Variants in PIGH observed in about 807,000 individuals in gnomAD.
PIGH encodes the protein phosphatidylinositol glycan anchor biosynthesis class H.
PIGH carries 11 observed loss-of-function variants against 20.1 expected under a neutral mutation model. The observed-to-expected ratio is 0.55, with a 90% CI of 0.34 to 0.91. The LOEUF (loss-of-function observed/expected upper bound fraction) is 0.91, where lower values mean the gene tolerates loss of function less well. Among genes scored for constraint, PIGH ranks in the 40% least tolerant of loss-of-function variants. The pLI is 0.02. For missense variants in PIGH, 189 were observed against 233.6 expected, an observed-to-expected ratio of 0.81 and a Z score of 1.24; for synonymous variants, 72 against 93.1, an observed-to-expected ratio of 0.77 and a Z score of 1.31.
At chr14:67,590,226 AGTGGT>A in intron 3 of PIGH, 54 bp from the exon 4 acceptor site, 1 of 1,378,742 alleles carries the variant, frequency 7.3e-7, no homozygotes, top group Non-Finnish European at 9.7e-7. Flanking sequence ...AAGGGAGTGC[AGTGGT>A]GCTGCATCCA....
chr14:67,593,592 A>C (rs1026467515), intron 2 of PIGH, 151 bp downstream of exon 2: 5 of 592,890 alleles, frequency 8.4e-6, no homozygotes, highest in African/African-American at 1.9e-5. Context: ...TTCCCTATCC[A>C]TGAAAACCTG....
intron 1 of PIGH, among the ~76,000 whole-genome samples, chr14:67,598,558 G>A (rs2140647451): frequency 6.6e-6 from 1 of 152,174 alleles, no homozygotes; most frequent in Admixed American, 6.5e-5. Flanking sequence ...CAGTCAGTGG[G>A]CATTTAATAA....
intron 1 of PIGH, among the ~76,000 whole-genome samples, chr14:67,597,121 A>C (rs775977903): frequency 1.3e-5 from 2 of 152,252 alleles, no homozygotes; most frequent in Non-Finnish European, 2.9e-5. Context: ...TGTAGAAAGA[A>C]AGAAAAGAAT....
chr14:67,592,452 A>C, intron 3 of PIGH, 183 bp downstream of exon 3: 1 of 560,658 alleles, frequency 1.8e-6, no homozygotes, highest in Non-Finnish European at 3.2e-6. Flanking sequence ...ATAAAATAAA[A>C]TGTGCATGAA....
intron 3 of PIGH, among the ~76,000 whole-genome samples, chr14:67,590,821 A>G (rs2036348761): frequency 1.3e-5 from 2 of 152,256 alleles, no homozygotes; most frequent in Non-Finnish European, 2.9e-5. Context: ...ATCAAATGAT[A>G]GCTTTTTAAT....
Position 67,592,738 on chromosome 14 carries a change from A to C in PIGH, c.391-20T>G. Reference sequence around the variant, plus strand: ...CTTCTGCTGTAAGAAAATAAATCAAATAGCAAAGTCTAAGTGAAACTCATT... The same window carrying C: ...CTTCTGCTGTAAGAAAATAAATCAACTAGCAAAGTCTAAGTGAAACTCATT... On this transcript the variant is annotated intron_variant, in intron 2 of 3. Coordinates refer to ENST00000216452, the MANE Select transcript of PIGH (RefSeq NM_004569.5). 7.1e-7 allele frequency: 1 copy of C among 1,416,358 alleles called. No homozygotes were observed. Among genetic ancestry groups the C allele is most frequent in the Non-Finnish European group, 9.9e-7 (1 of 1,005,602 alleles). 87.7% of individuals were successfully genotyped at this position (1,416,358 alleles called of 1,614,324 possible).
At chr14:67,598,232 T>G (rs28558546) in intron 1 of PIGH, among the ~76,000 whole-genome samples, 1 of 152,030 alleles carries the variant, frequency 6.6e-6, no homozygotes, top group South Asian at 2.1e-4. Flanking sequence ...TTAGAAAGTG[T>G]TGCAGTAGAG....
chr14:67,593,154 A>G (rs972237566), intron 2 of PIGH: 1 of 162,400 alleles, frequency 6.2e-6, no homozygotes. Context: ...AACACTTGAT[A>G]GCTTTTGAAG....
rs1335068791 is a variant in PIGH at position 67,592,647 on chromosome 14, T to C, written c.462A>G (p.Val154=). Residue 154 remains valine (V), a synonymous_variant, in exon 3 of 4, where the codon GTA becomes GTG. Transcript: ENST00000216452. ...PVEPHGISQV[V]PVFQSAKPRL... ...ATTCTATGCTCACCTGGAAGACGGG[T>C]ACTACTTGGGATATCCCATGTGGTT... 6.3e-7 allele frequency: 1 copy of C among 1,592,908 alleles called. No homozygotes were observed. The highest frequency in any genetic ancestry group is 8.6e-7 in the Non-Finnish European group (1 of 1,162,220).
chr14:67,600,161 G>C lies in PIGH; in HGVS notation c.43C>G (p.Leu15Val), dbSNP rs1212576438. ...GAGTAGTAGCGGCGCTGCAGCGCCA[G>C]GCGGCCGCCGCAGATATCCGAAAAG... ...RSFSDICGGR[L>V]ALQRRYYSPS... Residue 15 changes from leucine to valine, a missense_variant, in exon 1 of 4, where the codon CTG becomes GTG. Physicochemically the swap from Leu to Val is conservative, Grantham distance 32 (BLOSUM62 1). Transcript: ENST00000216452. The C allele has an allele frequency of 1.3e-6, 2 of 1,589,446 alleles. No individual in the cohort carries two copies. Among genetic ancestry groups the C allele is most frequent in the African/African-American group, 2.7e-5 (2 of 74,270 alleles).
At chr14:67,590,339 G>A (rs1415049261) in intron 3 of PIGH, among the ~76,000 whole-genome samples, 167 bp from the exon 4 acceptor site, 4 of 146,042 alleles carry the variant, frequency 2.7e-5, no homozygotes, top group Non-Finnish European at 5.9e-5. Flanking sequence ...TGCAACCTCC[G>A]CCTCCCAGGT....
chr14:67,589,796 A>G lies in PIGH; in HGVS notation c.*284T>C. ...ACCTGAACATGCTTAGCAATTTCCG[A>G]AAGTGTTCTTTGCTGACATTACTTT... On this transcript the variant is annotated 3_prime_UTR_variant, in exon 4 of 4. Transcript: ENST00000216452. 9.0e-7 allele frequency: 1 copy of G among 1,116,214 alleles called. No homozygotes were observed. Among genetic ancestry groups the G allele is most frequent in the Non-Finnish European group, 1.1e-6 (1 of 915,206 alleles). The allele number at this position is 1,116,214 out of a possible 1,614,324, so 69.1% of individuals were successfully genotyped here. A position where few individuals can be genotyped will look rare whatever the true frequency, so the allele number is the denominator to read the frequency against.
intron 1 of PIGH, among the ~76,000 whole-genome samples, chr14:67,599,060 G>A (rs1304472202): frequency 6.6e-6 from 1 of 152,160 alleles, no homozygotes; most frequent in Non-Finnish European, 1.5e-5. Context: ...AATTAGGGCA[G>A]TCTTAATTCT....
Position 67,592,546 on chromosome 14 carries a change from A to G in PIGH, c.474+89T>C, listed in dbSNP as rs1372251860. 7 of 765,308 alleles carry G rather than the reference A, an allele frequency of 9.1e-6. No individual in the cohort carries two copies. In the African/African-American group the frequency reaches 1.2e-4, roughly 13 times the overall value. 47.4% of individuals were successfully genotyped at this position (765,308 alleles called of 1,614,324 possible). On this transcript the variant is annotated intron_variant, in intron 3 of 3. Transcript: ENST00000216452. ...TTATCACTCAAAACAGCTGTCAGGT[A>G]TCTTCCAATACTCTGACAAAAGGAA...
Position 67,592,816 on chromosome 14 carries a change from C to T in PIGH, c.391-98G>A, listed in dbSNP as rs527752071. ...TTTATTTATTTTTGAGACAGAGTCT[C>T]TCTCTGTTGCCCAAGCTGCAGTGCA... On this transcript the variant is annotated intron_variant, in intron 2 of 3. Transcript: ENST00000216452. 81 of 785,952 alleles carry T rather than the reference C, an allele frequency of 1.0e-4. No individual in the cohort carries two copies. In the African/African-American group the frequency reaches 1.3e-3, roughly 13 times the overall value. The allele number at this position is 785,952 out of a possible 1,614,324, so 48.7% of individuals were successfully genotyped here.
rs1247487561 is a variant in PIGH, at chr14:67,600,127, C to A, written c.77G>T (p.Cys26Phe). ...ALQRRYYSPS[C>F]REFCLSCPRL... ...AGGGCAGCTGAGGCAGAATTCCCGG[C>A]AGGACGGGGAGTAGTAGCGGCGCTG... is the stretch of plus-strand genomic sequence containing the variant. Residue 26 changes from cysteine to phenylalanine, a missense_variant, in exon 1 of 4, where the codon TGC (cysteine) becomes TTC (phenylalanine). Coordinates refer to ENST00000216452, the MANE Select transcript of PIGH (RefSeq NM_004569.5). The A allele has an allele frequency of 1.3e-6, 2 of 1,596,384 alleles. No individual in the cohort carries two copies. Among genetic ancestry groups the A allele is most frequent in the Admixed American group, 3.5e-5 (2 of 57,812 alleles).
At position 67,600,214 on chromosome 14, in the gene PIGH, C is replaced by G; in HGVS notation, c.-11G>C. 6.4e-7 allele frequency: 1 copy of G among 1,559,934 alleles called. No individual in the cohort carries two copies. Among genetic ancestry groups the G allele is most frequent in the Non-Finnish European group, 8.7e-7 (1 of 1,154,274 alleles). ...CCGCTCATCCTCCATGACGCCCCCACTCGGCCGCCCGCACCGCGCGGCGCT... is the reference window on the plus strand; with the variant it reads ...CCGCTCATCCTCCATGACGCCCCCAGTCGGCCGCCCGCACCGCGCGGCGCT... On this transcript the variant is annotated 5_prime_UTR_variant, in exon 1 of 4. Transcript: ENST00000216452.
chr14:67,590,020 C>A lies in PIGH; in HGVS notation c.*60G>T. On this transcript the variant is annotated 3_prime_UTR_variant, in exon 4 of 4. Coordinates refer to ENST00000216452, the MANE Select transcript of PIGH (RefSeq NM_004569.5). ...ATGGTTTGGAGTACGGAAAACCAGCCCCTATGGCTTAAGAGTCATCTCCCA... is the reference window on the plus strand; with the variant it reads ...ATGGTTTGGAGTACGGAAAACCAGCACCTATGGCTTAAGAGTCATCTCCCA... The A allele has an allele frequency of 6.6e-7, 1 of 1,503,862 alleles. No homozygotes were observed. Among genetic ancestry groups the A allele is most frequent in the Non-Finnish European group, 8.9e-7 (1 of 1,123,708 alleles). The allele number at this position is 1,503,862 out of a possible 1,614,324, so 93.2% of individuals were successfully genotyped here. A position where few individuals can be genotyped will look rare whatever the true frequency, so the allele number is the denominator to read the frequency against.
At position 67,600,215 on chromosome 14, in the gene PIGH, T is replaced by C. The variant is rs2140657529; in HGVS notation, c.-12A>G. 3.2e-6 allele frequency: 5 copies of C among 1,558,970 alleles called. No individual in the cohort carries two copies. The highest frequency in any genetic ancestry group is 4.3e-6 in the Non-Finnish European group (5 of 1,153,764). ...CGCTCATCCTCCATGACGCCCCCAC[T>C]CGGCCGCCCGCACCGCGCGGCGCTG... On this transcript the variant is annotated 5_prime_UTR_variant, in exon 1 of 4. Transcript: ENST00000216452.
Sources: gnomAD v4.1 joint callset for allele counts (sites outside exome capture counted in the v4.1 genomes callset) on GRCh38, gnomAD v4.1.1 for gene constraint, MANE v1.5 for transcripts, NCBI Gene and HGNC (gene_info 2026-07-23, HGNC 2026-07-21) for gene names.